The following MKS1 variants were observed in gnomAD, a reference collection of about 807,000 sequenced individuals.
The protein encoded by MKS1 is MKS transition zone complex subunit 1, also known as tectonic-like complex member MKS1.
Under a neutral mutation model 83.7 loss-of-function variants are expected in MKS1, and 70 were observed. The observed-to-expected ratio is 0.84, with a 90% CI of 0.69 to 1.02. MKS1 has a LOEUF of 1.02. MKS1 is among the 50% of genes least tolerant of loss of function. The probability of loss-of-function intolerance (pLI) is 0.00; values close to 1 mark genes in which losing one functional copy is unlikely to be tolerated. For missense variants in MKS1, 681 were observed against 726.9 expected (o/e 0.94, Z 0.73); for synonymous variants, 251 against 273.4 (o/e 0.92, Z 0.81).
chr17:58,218,317 G>T (rs907203147), intron 2 of MKS1, among the ~76,000 whole-genome samples: 1 of 151,634 alleles, frequency 6.6e-6, no homozygotes, highest in African/African-American at 2.4e-5. Context: ...GCGTGGTGGC[G>T]GGCGCCTGTA....
Position 58,216,740 on chromosome 17 carries a change from C to CAA in MKS1, c.191-6_191-5dup. On this transcript the variant is annotated splice_region_variant and splice_polypyrimidine_tract_variant and intron_variant, in intron 2 of 17. Coordinates refer to ENST00000393119, the MANE Select transcript of MKS1 (RefSeq NM_017777.4). ...TCTTCCTCTGGGCGGTGTCCACCTC[C>CAA]AAAGACAACAGAGTGAATCAAATGC... 1.2e-6 allele frequency: 2 copies of CAA among 1,614,082 alleles called. No homozygotes were observed. The highest frequency in any genetic ancestry group is 2.2e-5 in the South Asian group (2 of 91,052).
In MKS1 at chr17:58,218,690, A is replaced by G; in HGVS notation, c.120T>C (p.His40=). Residue 40 remains histidine (H), a synonymous_variant, in exon 2 of 18, where the codon CAT becomes CAC. Transcript: ENST00000393119. ...LQRITSSNFL[H]YQPAAELGKD... Reference sequence around the variant, plus strand: ...TCCCGAGCTCGGCAGCAGGCTGATAATGAAGAAAGTTGCTTGATGTGATTC... The same window carrying G: ...TCCCGAGCTCGGCAGCAGGCTGATAGTGAAGAAAGTTGCTTGATGTGATTC... The G allele has an allele frequency of 6.2e-7, 1 of 1,614,010 alleles. No individual in the cohort carries two copies. The highest frequency in any genetic ancestry group is 8.5e-7 in the Non-Finnish European group (1 of 1,179,946).
At chr17:58,213,228 G>T (rs886070684) in intron 7 of MKS1, 138 bp from the exon 8 acceptor site, 22 of 810,462 alleles carry the variant, frequency 2.7e-5, no homozygotes, top group Admixed American at 1.6e-4. Flanking sequence ...CTGTATTGAC[G>T]ACCAGGAGAG....
At chr17:58,213,967 G>A (rs1969037489) in intron 6 of MKS1, 98 bp from the exon 7 acceptor site, 15 of 1,112,286 alleles carry the variant, frequency 1.3e-5, no homozygotes, top group African/African-American at 1.5e-5. Flanking sequence ...AGAGGCTATA[G>A]GGAGAGCTGT....
intron 7 of MKS1, 54 bp from the exon 8 acceptor site, chr17:58,213,144 T>C (rs181267183): frequency 1.8e-5 from 27 of 1,520,754 alleles, no homozygotes; most frequent in Non-Finnish European, 2.5e-5. Context: ...AGATGGGCCC[T>C]GGGATAGCTC....
Position 58,219,140 on chromosome 17 carries a change from G to A in MKS1, c.80+11C>T, listed in dbSNP as rs1197917780. On this transcript the variant is annotated intron_variant, in intron 1 of 17. Coordinates refer to ENST00000393119, the MANE Select transcript of MKS1 (RefSeq NM_017777.4). ...AAGCATGGGGCCTCGGGGCTGGGGC[G>A]GTGCGACTACCGGAGGCGCAAGTTG... is the stretch of plus-strand genomic sequence containing the variant. 2 of 1,551,008 alleles carry A rather than the reference G, an allele frequency of 1.3e-6. No individual in the cohort carries two copies. The highest frequency in any genetic ancestry group is 1.7e-6 in the Non-Finnish European group (2 of 1,146,980).
rs541078501 is a variant in MKS1, at chr17:58,209,646, C to T, written c.1024+1013G>A. ...TAAAAGGCTACAAGGTGGGAATGAA[C>T]CTGGCTGGGAAGAATGACTGGAAGG... On this transcript the variant is annotated intron_variant, in intron 11 of 17. Coordinates refer to ENST00000393119, the MANE Select transcript of MKS1 (RefSeq NM_017777.4). This position sits in a 1 kb window ranked among gnomAD's most constrained non-coding sequence, Gnocchi z 4.1. Among the ~76,000 whole-genome samples, 1 of 152,266 alleles carries T rather than the reference C, an allele frequency of 6.6e-6. No homozygotes were observed. The highest frequency in any genetic ancestry group is 6.5e-5 in the Admixed American group (1 of 15,290).
chr17:58,206,489 C>A lies in MKS1; in HGVS notation c.1466G>T (p.Arg489Leu), dbSNP rs916562674. The change falls in exon 16 of 18, where the codon CGC becomes CTC. Residue 489 changes from arginine (R) to leucine (L), a missense_variant. Around this residue, in one of 3 missense-constraint regions of MKS1, gnomAD observed 310 missense variants for 321.7 expected, o/e 0.96. Coordinates refer to ENST00000393119, the MANE Select transcript of MKS1 (RefSeq NM_017777.4). ...RTETTGTVTF[R>L]LHCLQQSRAF... ...CCTGGACTGCTGCAGACAGTGCAAG[C>A]GGAAGGTGACAGTGCCTGTGGTCTC... The A allele has an allele frequency of 2.5e-6, 4 of 1,614,094 alleles. No individual in the cohort carries two copies. The highest frequency in any genetic ancestry group is 2.2e-5 in the East Asian group (1 of 44,866).
intron 4 of MKS1, chr17:58,215,624 T>C: frequency 5.2e-6 from 1 of 191,952 alleles, no homozygotes. Context: ...TAAAACAAGG[T>C]CACAAGGGTA....
At chr17:58,218,583 T>G (rs773508359) in intron 2 of MKS1, 37 bp downstream of exon 2, 12 of 1,431,134 alleles carry the variant, frequency 8.4e-6, no homozygotes, top group African/African-American at 5.6e-5. Flanking sequence ...AGTATCATAA[T>G]TAGTATTAGA....
intron 4 of MKS1, 45 bp from the exon 5 acceptor site, chr17:58,214,883 A>G (rs1332989357): frequency 3.8e-6 from 6 of 1,567,898 alleles, no homozygotes; most frequent in Non-Finnish European, 5.2e-6. Context: ...GGTCAGGGCC[A>G]CATGGAGCCA....
At position 58,219,238 on chromosome 17, in the gene MKS1, G is replaced by C. The variant is rs1237634717; in HGVS notation, c.-8C>G. ...CCAGACGGTCTCCGCCATGACAGCT[G>C]CGACGCGCCGCGACTGCGCCGGAAA... On this transcript the variant is annotated 5_prime_UTR_variant, in exon 1 of 18. Coordinates refer to ENST00000393119, the MANE Select transcript of MKS1 (RefSeq NM_017777.4). 6.5e-7 allele frequency: 1 copy of C among 1,550,056 alleles called. No homozygotes were observed. The highest frequency in any genetic ancestry group is 8.7e-7 in the Non-Finnish European group (1 of 1,146,818).
chr17:58,217,741 G>A (rs762232490), intron 2 of MKS1, among the ~76,000 whole-genome samples: 1 of 152,174 alleles, frequency 6.6e-6, no homozygotes, highest in Admixed American at 6.5e-5. Context: ...GGAGACCAAG[G>A]TTTACAGTGA....
intron 4 of MKS1, 156 bp from the exon 5 acceptor site, chr17:58,214,994 G>T: frequency 8.3e-7 from 1 of 1,197,870 alleles, no homozygotes; most frequent in Non-Finnish European, 1.2e-6. Context: ...GGGAGCAGTA[G>T]CCAAACAACC....
chr17:58,206,550 G>A lies in MKS1; in HGVS notation c.1408-3C>T, dbSNP rs377033273. On this transcript the variant is annotated splice_region_variant and splice_polypyrimidine_tract_variant and intron_variant, in intron 15 of 17. Transcript: ENST00000393119. ...CCAAAGCGGCTCAGGCGTTCCCCCT[G>A]TGGCATGCCATTGGGACAGCCTCAG... The A allele has an allele frequency of 2.7e-5, 43 of 1,611,820 alleles. No individual in the cohort carries two copies. In the African/African-American group the frequency reaches 5.2e-4, roughly 19 times the overall value.
chr17:58,216,984 C>T (rs530346106), intron 2 of MKS1, among the ~76,000 whole-genome samples: 1 of 152,118 alleles, frequency 6.6e-6, no homozygotes, highest in Non-Finnish European at 1.5e-5. Flanking sequence ...AAAGAAAATA[C>T]CCCCCAGGAA....
chr17:58,214,728 T>C lies in MKS1; in HGVS notation c.515+13A>G, dbSNP rs1170743615. The C allele has an allele frequency of 2.4e-5, 38 of 1,603,080 alleles. No homozygotes were observed. Among genetic ancestry groups the C allele is most frequent in the Non-Finnish European group, 3.1e-5 (37 of 1,179,026 alleles). ...AAGTAAAAGCTTGTCCCCCATCCCA[T>C]GCCCGCACTCACATCCCTCGCCTGT... On this transcript the variant is annotated intron_variant, in intron 5 of 17. Coordinates refer to ENST00000393119, the MANE Select transcript of MKS1 (RefSeq NM_017777.4).
chr17:58,208,325 C>T (rs1380960644), intron 12 of MKS1, 151 bp from the exon 13 acceptor site: 3 of 940,036 alleles, frequency 3.2e-6, no homozygotes, highest in East Asian at 2.6e-5. Context: ...CACCCAAATA[C>T]AAGCTGCTGC....
At chr17:58,218,456 A>G in intron 2 of MKS1, 164 bp downstream of exon 2, 1 of 201,174 alleles carries the variant, frequency 5.0e-6, no homozygotes, top group South Asian at 4.6e-5. Flanking sequence ...TCAAAAAAAA[A>G]AAAAAAAAAA....
Sources: gnomAD v4.1 joint callset for allele counts (sites outside exome capture counted in the v4.1 genomes callset) on GRCh38, gnomAD v4.1.1 for gene constraint, gnomAD v4.1.1 regional missense constraint, Gnocchi (gnomAD v3.1) non-coding constraint, MANE v1.5 for transcripts, NCBI Gene and HGNC (gene_info 2026-07-23, HGNC 2026-07-21) for gene names.